Variants in EFCAB14 observed in about 807,000 individuals in gnomAD.
EFCAB14 encodes EF-hand calcium-binding domain-containing protein 14.
Under a neutral mutation model 56.5 loss-of-function variants are expected in EFCAB14, and 43 were observed. That is an observed-to-expected ratio of 0.76 (90% CI 0.60 to 0.98). EFCAB14 has a LOEUF of 0.98. Ranked by LOEUF, EFCAB14 falls within the 50% of genes least tolerant of loss-of-function variation. The probability of loss-of-function intolerance (pLI) is 0.00; values close to 1 mark genes in which losing one functional copy is unlikely to be tolerated. For synonymous variants in EFCAB14, 235 were observed against 212.9 expected, an observed-to-expected ratio of 1.10 and a Z score of -0.90; for missense variants, 538 against 580.3, an observed-to-expected ratio of 0.93 and a Z score of 0.75.
At chr1:46,707,863 CAAAT>C (rs1317080610) in intron 3 of EFCAB14, 39 bp downstream of exon 3, 4 of 1,585,356 alleles carry the variant, frequency 2.5e-6, no homozygotes, top group Non-Finnish European at 3.4e-6. Flanking sequence ...AACAACCAAA[CAAAT>C]ATTCATAGCT....
At chr1:46,715,825 G>A (rs1235777586) in intron 2 of EFCAB14, among the ~76,000 whole-genome samples, 1 of 152,014 alleles carries the variant, frequency 6.6e-6, no homozygotes, top group Non-Finnish European at 1.5e-5. Flanking sequence ...TTCAAGCAGA[G>A]AGCTCAAAAA....
intron 4 of EFCAB14, chr1:46,692,150 C>A: frequency 2.5e-6 from 1 of 405,348 alleles, no homozygotes; most frequent in South Asian, 5.4e-5. Context: ...TCCCAGGCAA[C>A]CACTGATCCA....
At chr1:46,679,747 A>G (rs1267841044) in intron 10 of EFCAB14, among the ~76,000 whole-genome samples, 1 of 151,440 alleles carries the variant, frequency 6.6e-6, no homozygotes, top group Non-Finnish European at 1.5e-5. Context: ...AGTAGCTGGC[A>G]TGACAGGTGT....
At position 46,676,633 on chromosome 1, in the gene EFCAB14, A is replaced by AT. The variant is rs1430942084; in HGVS notation, c.*1827_*1828insA. 2 of 152,746 alleles carry AT rather than the reference A, an allele frequency of 1.3e-5. No individual in the cohort carries two copies. The highest frequency in any genetic ancestry group is 3.9e-4 in the East Asian group (2 of 5,188). 9.5% of individuals were successfully genotyped at this position (152,746 alleles called of 1,614,324 possible). On this transcript the variant is annotated 3_prime_UTR_variant, in exon 11 of 11. Transcript: ENST00000371933. ...CTGTAAGGGTGTATATATATTAAAA[A>AT]AAGGTGTGGGGTGAGAGTGGATGGA...
chr1:46,712,560 T>G (rs1557451303), intron 2 of EFCAB14, among the ~76,000 whole-genome samples: 1 of 152,186 alleles, frequency 6.6e-6, no homozygotes, highest in Non-Finnish European at 1.5e-5. Flanking sequence ...CAATCCTTCC[T>G]TTCCTTGCAA....
intron 6 of EFCAB14, 70 bp from the exon 7 acceptor site, chr1:46,688,614 C>T (rs1345272847): frequency 7.6e-6 from 10 of 1,316,518 alleles, no homozygotes; most frequent in African/African-American, 2.9e-5. Context: ...CCAGCAGCAC[C>T]GAACAACCAT....
chr1:46,679,599 GTTTTTTTT>G lies in EFCAB14; in HGVS notation c.1313-971_1313-964del, dbSNP rs60875639. 5.2e-3 allele frequency among the ~76,000 whole-genome samples: 191 copies of G among 36,512 alleles called. 2 individuals are homozygous for G. Among genetic ancestry groups the G allele is most frequent in the East Asian group, 0.051 (59 of 1,146 alleles). 24.0% of individuals were successfully genotyped at this position (36,512 alleles called of 152,430 possible). On this transcript the variant is annotated intron_variant, in intron 10 of 10. Transcript: ENST00000371933. The stretch of plus-strand genomic sequence containing the variant: ...ATTATAGGCGTGAACCACCACGCCT[GTTTTTTTT>G]TTTTTTTTTTTTTTTTTTTTTTTGG...
intron 1 of EFCAB14, among the ~76,000 whole-genome samples, chr1:46,717,240 T>A (rs1677411098): frequency 1.3e-5 from 2 of 152,162 alleles, no homozygotes; most frequent in South Asian, 4.1e-4. Flanking sequence ...TGTTTCTACA[T>A]CCTCAGCAGA....
At chr1:46,712,567 G>C (rs572872390) in intron 2 of EFCAB14, among the ~76,000 whole-genome samples, 1 of 152,050 alleles carries the variant, frequency 6.6e-6, no homozygotes, top group South Asian at 2.1e-4. Flanking sequence ...TCCTTTCCTT[G>C]CAAGTGTCTT....
At chr1:46,681,780 T>G (rs796093130) in intron 10 of EFCAB14, among the ~76,000 whole-genome samples, 2 of 152,044 alleles carry the variant, frequency 1.3e-5, no homozygotes, top group African/African-American at 4.8e-5. Context: ...AAAAGTATAG[T>G]CATCCAAAAG....
intron 3 of EFCAB14, among the ~76,000 whole-genome samples, chr1:46,700,290 A>G (rs948602451): frequency 1.3e-5 from 2 of 152,238 alleles, no homozygotes; most frequent in Non-Finnish European, 2.9e-5. Context: ...GAAATATCAA[A>G]TAAGTGACAG....
chr1:46,681,308 AGATTTAATATCTAATAC>A (rs1163833122), intron 10 of EFCAB14, among the ~76,000 whole-genome samples: 3 of 152,204 alleles, frequency 2.0e-5, no homozygotes, highest in African/African-American at 7.2e-5. Flanking sequence ...ATCAAATAGA[AGATTTAATATCTAATAC>A]CAAAGAAGGT....
At chr1:46,692,134 G>A (rs1677002880) in intron 4 of EFCAB14, 197 bp from the exon 5 acceptor site, 5 of 435,660 alleles carry the variant, frequency 1.1e-5, no homozygotes, top group South Asian at 4.6e-5. Flanking sequence ...CTCCCTTGCC[G>A]ATCGTTCCCA....
chr1:46,676,558 A>G lies in EFCAB14; in HGVS notation c.*1903T>C, dbSNP rs1264259819. 6.5e-6 allele frequency: 1 copy of G among 152,680 alleles called. No individual in the cohort carries two copies. The highest frequency in any genetic ancestry group is 1.5e-5 in the Non-Finnish European group (1 of 68,048). 9.5% of individuals were successfully genotyped at this position (152,680 alleles called of 1,614,324 possible). On this transcript the variant is annotated 3_prime_UTR_variant, in exon 11 of 11. Transcript: ENST00000371933. The stretch of plus-strand genomic sequence containing the variant: ...TTTATGGTACAGTATATACAAATAT[A>G]GCAGTATAATTCAATTTATTGCTAG...
chr1:46,691,721 G>T, intron 5 of EFCAB14, 106 bp downstream of exon 5: 1 of 684,784 alleles, frequency 1.5e-6, no homozygotes. Context: ...TAGATCTTTT[G>T]AACAGATGCA....
chr1:46,716,196 C>G, intron 2 of EFCAB14, 99 bp downstream of exon 2: 1 of 1,325,684 alleles, frequency 7.5e-7, no homozygotes, highest in South Asian at 1.6e-5. Context: ...TTGCAGTGAG[C>G]CGAGATTGCG....
At chr1:46,681,327 A>G (rs1261554892) in intron 10 of EFCAB14, among the ~76,000 whole-genome samples, 2 of 152,236 alleles carry the variant, frequency 1.3e-5, no homozygotes, top group Admixed American at 6.5e-5. Context: ...ATCTAATACC[A>G]AAGAAGGTCA....
chr1:46,697,428 C>A (rs1215048684), intron 3 of EFCAB14, among the ~76,000 whole-genome samples: 1 of 152,218 alleles, frequency 6.6e-6, no homozygotes, highest in African/African-American at 2.4e-5. Flanking sequence ...TTTCAGGCTG[C>A]AGAGACAATA....
chr1:46,705,923 G>A (rs902038816), intron 3 of EFCAB14, among the ~76,000 whole-genome samples: 33 of 151,234 alleles, frequency 2.2e-4, no homozygotes, highest in African/African-American at 8.0e-4. Context: ...AGAGTGCAGT[G>A]ACACGATTAC....
Sources: gnomAD v4.1 joint callset for allele counts (sites outside exome capture counted in the v4.1 genomes callset) on GRCh38, gnomAD v4.1.1 for gene constraint, MANE v1.5 for transcripts, NCBI Gene and HGNC (gene_info 2026-07-23, HGNC 2026-07-21) for gene names.